GTSE1: variants seen among roughly 807,000 people sequenced by gnomAD.
GTSE1 encodes the protein G2 and S-phase expressed 1.
In GTSE1, 52 loss-of-function variants were observed where a neutral mutation model predicts 60.5. The ratio of observed to expected loss-of-function variants is 0.86; its 90% CI spans 0.69 to 1.08. The LOEUF is 1.08. GTSE1 is among the 50% of genes least tolerant of loss of function. The pLI is 0.00. For synonymous variants in GTSE1, 368 were observed against 386.5 expected, an observed-to-expected ratio of 0.95 and a Z score of 0.56; for missense variants, 937 against 961.8, an observed-to-expected ratio of 0.97 and a Z score of 0.34.
At position 46,316,035 on chromosome 22, in the gene GTSE1, A is replaced by C; in HGVS notation, c.1055A>C (p.Lys352Thr). ...TTTTTGTGTGTATACCTTCTAGCTAAATCAAGTGAATTTGCAAGTATTCCT... is the reference window on the plus strand; with the variant it reads ...TTTTTGTGTGTATACCTTCTAGCTACATCAAGTGAATTTGCAAGTATTCCT... ...ACTSPAVGKA[K>T]SSEFASIPAN... is the part of the protein sequence containing the mutation. The change falls in exon 7 of 12, where the codon AAA (lysine) becomes ACA (threonine). Residue 352 changes from lysine (K) to threonine (T), a missense_variant. Transcript: ENST00000454366. The surrounding 1 kb of genome is among the most constrained non-coding windows in gnomAD (Gnocchi z 5.0). 3 of 1,511,380 alleles carry C rather than the reference A, an allele frequency of 2.0e-6. No individual in the cohort carries two copies. The highest frequency in any genetic ancestry group is 2.7e-6 in the Non-Finnish European group (3 of 1,129,094). The allele number at this position is 1,511,380 out of a possible 1,614,324, so 93.6% of individuals were successfully genotyped here.
At position 46,308,406 on chromosome 22, in the gene GTSE1, TC is replaced by T; in HGVS notation, c.228del (p.Glu77AsnfsTer67). 6.2e-7 allele frequency: 1 copy of T among 1,614,194 alleles called. No individual in the cohort carries two copies. Among genetic ancestry groups the T allele is most frequent in the Non-Finnish European group, 8.5e-7 (1 of 1,180,030 alleles). Reference protein sequence around the residue: ...AASLELNNPVPEQPPLPTSES... With the variant: ...AASLELNNPVXEQPPLPTSES... ...CCAGCTTGGAATTAAATAATCCGGT[TC>T]CCGAACAGCCTCCGTTGCCCACATC... On this transcript the variant is annotated frameshift_variant, in exon 4 of 12. Coordinates refer to ENST00000454366, the MANE Select transcript of GTSE1 (RefSeq NM_016426.7). LOFTEE classifies it high-confidence loss of function.
In GTSE1 at chr22:46,312,037, C is replaced by T. The variant is rs2077751312; in HGVS notation, c.763-104C>T. ...CTGATGAATGGAGGGGCATGTGTAG[C>T]ACTGGGGAAGATGGGGCCTAGGCTC... is the stretch of plus-strand genomic sequence containing the variant. On this transcript the variant is annotated intron_variant, in intron 4 of 11. Coordinates refer to ENST00000454366, the MANE Select transcript of GTSE1 (RefSeq NM_016426.7). 7 of 892,492 alleles carry T rather than the reference C, an allele frequency of 7.8e-6. No homozygotes were observed. In the Admixed American group the frequency reaches 1.7e-4, roughly 21 times the overall value. 55.3% of individuals were successfully genotyped at this position (892,492 alleles called of 1,614,324 possible). A position where few individuals can be genotyped will look rare whatever the true frequency, so the allele number is the denominator to read the frequency against.
rs557761039 is a variant in GTSE1, at chr22:46,316,114, C to T, written c.1134C>T (p.Pro378=). ...TCAGCAAGTCAGGCAGAATGGGACC[C>T]GCCATGCTGCGGCCAGCTCTGCCTG... The part of the protein sequence containing the change: ...SNISKSGRMG[P]AMLRPALPAG... Residue 378 remains proline (P), a synonymous_variant, in exon 7 of 12, where the codon CCC becomes CCT. Coordinates refer to ENST00000454366, the MANE Select transcript of GTSE1 (RefSeq NM_016426.7). The surrounding 1 kb of genome is among the most constrained non-coding windows in gnomAD (Gnocchi z 5.0). 25 of 1,585,228 alleles carry T rather than the reference C, an allele frequency of 1.6e-5. No individual in the cohort carries two copies. Among genetic ancestry groups the T allele is most frequent in the Middle Eastern group, 1.7e-4 (1 of 5,938 alleles).
Position 46,308,906 on chromosome 22 carries a change from C to T in GTSE1, c.725C>T (p.Ser242Phe). Residue 242 changes from serine (S) to phenylalanine (F), a missense_variant, in exon 4 of 12, where the codon TCT (serine) becomes TTT (phenylalanine). Ser to Phe is a radical substitution (Grantham distance 155). Coordinates refer to ENST00000454366, the MANE Select transcript of GTSE1 (RefSeq NM_016426.7). ...GTKLLLPRAA[S>F]VRGRSIPGAA... is the part of the protein sequence containing the mutation. Reference sequence around the variant, plus strand: ...AAATTGCTGCTGCCTCGAGCGGCCTCTGTTAGAGGAAGAAGCATCCCTGGG... The same window carrying T: ...AAATTGCTGCTGCCTCGAGCGGCCTTTGTTAGAGGAAGAAGCATCCCTGGG... The T allele has an allele frequency of 6.2e-7, 1 of 1,612,890 alleles. No homozygotes were observed. The highest frequency in any genetic ancestry group is 8.5e-7 in the Non-Finnish European group (1 of 1,179,854).
intron 2 of GTSE1, among the ~76,000 whole-genome samples, chr22:46,305,391 C>T (rs915693049): frequency 1.3e-5 from 2 of 151,958 alleles, no homozygotes; most frequent in South Asian, 2.1e-4. Context: ...GGAGGGATCA[C>T]GAGGTCAGGA....
chr22:46,323,162 G>T lies in GTSE1; in HGVS notation c.1433-28G>T. 5 of 1,539,816 alleles carry T rather than the reference G, an allele frequency of 3.2e-6. No individual in the cohort carries two copies. In the South Asian group the frequency reaches 3.3e-5, roughly 10 times the overall value. On this transcript the variant is annotated intron_variant, in intron 7 of 11. Transcript: ENST00000454366. ...AGGTCTCCCCCTGATCACTTTACCT[G>T]ACCGCACACTTCCTTTCTTGGACTT... is the stretch of plus-strand genomic sequence containing the variant.
Position 46,314,109 on chromosome 22 carries a change from G to C in GTSE1, c.1051+96G>C, listed in dbSNP as rs527352535. 573 of 1,497,466 alleles carry C rather than the reference G, an allele frequency of 3.8e-4. 1 individual carries two copies. The highest frequency in any genetic ancestry group is 4.6e-4 in the Non-Finnish European group (506 of 1,088,214). The allele number at this position is 1,497,466 out of a possible 1,614,324, so 92.8% of individuals were successfully genotyped here. A position where few individuals can be genotyped will look rare whatever the true frequency, so the allele number is the denominator to read the frequency against. ...GAGACTGTTTCTGCAGAACCACTTAGGCTTGGCAGGACGTCCCGGAGGGCG... is the reference window on the plus strand; with the variant it reads ...GAGACTGTTTCTGCAGAACCACTTACGCTTGGCAGGACGTCCCGGAGGGCG... On this transcript the variant is annotated intron_variant, in intron 6 of 11. Transcript: ENST00000454366. The surrounding 1 kb of genome is among the most constrained non-coding windows in gnomAD (Gnocchi z 7.1).
intron 9 of GTSE1, 80 bp downstream of exon 9, chr22:46,326,734 C>A: frequency 1.0e-6 from 1 of 983,346 alleles, no homozygotes; most frequent in Non-Finnish European, 1.5e-6. Flanking sequence ...TTTTTCTTGC[C>A]TTGCTCCAGG....
chr22:46,317,502 T>G lies in GTSE1; in HGVS notation c.1432+1090T>G, dbSNP rs1178144740. On this transcript the variant is annotated intron_variant, in intron 7 of 11. Coordinates refer to ENST00000454366, the MANE Select transcript of GTSE1 (RefSeq NM_016426.7). This position sits in a 1 kb window ranked among gnomAD's most constrained non-coding sequence, Gnocchi z 5.6. ...TCTTCCCCATCATTTTGGGGTCTGT[T>G]TCGACTGACTAATTTTGTTTCCGGG... is the stretch of plus-strand genomic sequence containing the variant. Among the ~76,000 whole-genome samples, 1 of 152,234 alleles carries G rather than the reference T, an allele frequency of 6.6e-6. No homozygotes were observed. Among genetic ancestry groups the G allele is most frequent in the African/African-American group, 2.4e-5 (1 of 41,454 alleles).
intron 2 of GTSE1, among the ~76,000 whole-genome samples, chr22:46,306,428 G>A (rs540119044): frequency 1.1e-3 from 162 of 151,516 alleles, no homozygotes; most frequent in African/African-American, 3.5e-3. Context: ...TGATCCGCCC[G>A]CCTCGGCCTC....
intron 2 of GTSE1, among the ~76,000 whole-genome samples, chr22:46,306,209 TCTCA>T (rs748937756): frequency 2.3e-4 from 35 of 152,156 alleles, no homozygotes; most frequent in Non-Finnish European, 3.8e-4. Flanking sequence ...TGAGACAGAG[TCTCA>T]CTCAGTCACC....
At position 46,330,076 on chromosome 22, in the gene GTSE1, G is replaced by C; in HGVS notation, c.2166G>C (p.Gln722His). 1.2e-6 allele frequency: 2 copies of C among 1,611,716 alleles called. No homozygotes were observed. Among genetic ancestry groups the C allele is most frequent in the Non-Finnish European group, 1.7e-6 (2 of 1,177,786 alleles). Residue 722 changes from glutamine to histidine, a missense_variant, in exon 12 of 12, where the codon CAG (glutamine) becomes CAC (histidine). Physicochemically the swap from Gln to His is conservative, Grantham distance 24. Coordinates refer to ENST00000454366, the MANE Select transcript of GTSE1 (RefSeq NM_016426.7). The surrounding 1 kb of genome is among the most constrained non-coding windows in gnomAD (Gnocchi z 6.0). ...QLIDLSSPLI[Q>H]LSPEADKENV... is the part of the protein sequence containing the mutation. The stretch of plus-strand genomic sequence containing the variant: ...TAGACCTGAGCTCCCCTCTGATCCA[G>C]CTGAGCCCTGAGGCTGACAAGGAGA...
intron 2 of GTSE1, among the ~76,000 whole-genome samples, chr22:46,306,544 A>T (rs778490242): frequency 2.0e-5 from 3 of 149,828 alleles, no homozygotes; most frequent in Non-Finnish European, 4.4e-5. Context: ...GCAGTGGCGC[A>T]ATCTTGGTTC....
chr22:46,308,802 C>G lies in GTSE1; in HGVS notation c.621C>G (p.His207Gln). ...ARLTRAPGPP[H>Q]SAHALPRESC... ...TCACCCGGGCGCCGGGGCCTCCGCA[C>G]TCTGCTCATGCTTTGCCCAGGGAAT... Residue 207 changes from histidine (H) to glutamine (Q), a missense_variant, in exon 4 of 12, where the codon CAC (histidine) becomes CAG (glutamine). By Grantham distance (24) the His-to-Gln change is conservative. Coordinates refer to ENST00000454366, the MANE Select transcript of GTSE1 (RefSeq NM_016426.7). 1.9e-6 allele frequency: 3 copies of G among 1,613,276 alleles called. No individual in the cohort carries two copies. The highest frequency in any genetic ancestry group is 2.5e-6 in the Non-Finnish European group (3 of 1,180,016).
Position 46,324,524 on chromosome 22 carries a change from C to T in GTSE1, c.1505+1262C>T, listed in dbSNP as rs371272445. 9.9e-5 allele frequency among the ~76,000 whole-genome samples: 15 copies of T among 152,160 alleles called. No individual in the cohort carries two copies. The East Asian group carries it at 1.5e-3, about 16-fold the overall frequency. Reference sequence around the variant, plus strand: ...CTGGGACTACAGGCGCCCGCCACCACGCCCGGCTAAGTTTTTGTATTTTTA... The same window carrying T: ...CTGGGACTACAGGCGCCCGCCACCATGCCCGGCTAAGTTTTTGTATTTTTA... On this transcript the variant is annotated intron_variant, in intron 8 of 11. Transcript: ENST00000454366. The surrounding 1 kb of genome is among the most constrained non-coding windows in gnomAD (Gnocchi z 5.2).
In GTSE1 at chr22:46,316,164, G is replaced by A. The variant is rs772068831; in HGVS notation, c.1184G>A (p.Trp395Ter). 6.2e-7 allele frequency: 1 copy of A among 1,612,666 alleles called. No homozygotes were observed. The highest frequency in any genetic ancestry group is 1.3e-5 in the African/African-American group (1 of 75,048). The stretch of plus-strand genomic sequence containing the variant: ...GCAGGCCCTGTGGGGGCATCCTCCT[G>A]GCAGGCCAAGCGGGTCGATGTTTCT... ...LPAGPVGASS[W>*]QAKRVDVSEL... The change falls in exon 7 of 12, where the codon TGG becomes TAG. Residue 395 changes from tryptophan to a stop codon, truncating the protein, a stop_gained. Transcript: ENST00000454366. LOFTEE classifies it high-confidence loss of function. The surrounding 1 kb of genome is among the most constrained non-coding windows in gnomAD (Gnocchi z 5.0).
chr22:46,303,197 G>C (rs2077699035), intron 2 of GTSE1, among the ~76,000 whole-genome samples: 1 of 152,104 alleles, frequency 6.6e-6, no homozygotes, highest in Admixed American at 6.6e-5. Context: ...ACCCTGCCCG[G>C]TCTACTTTCC....
intron 5 of GTSE1, among the ~76,000 whole-genome samples, chr22:46,312,897 TCA>T (rs1341264107): frequency 2.0e-5 from 3 of 151,534 alleles, no homozygotes; most frequent in African/African-American, 7.3e-5. Context: ...GTGCAGTGGC[TCA>T]CACATGTAAT....
At position 46,329,538 on chromosome 22, in the gene GTSE1, G is replaced by A. The variant is rs1270916150; in HGVS notation, c.2107G>A (p.Val703Met). The A allele has an allele frequency of 6.2e-7, 1 of 1,614,170 alleles. No individual in the cohort carries two copies. The highest frequency in any genetic ancestry group is 2.2e-5 in the East Asian group (1 of 44,874). Residue 703 changes from valine (V) to methionine (M), a missense_variant, in exon 11 of 12, where the codon GTG becomes ATG. Physicochemically the swap from Val to Met is conservative, Grantham distance 21. Coordinates refer to ENST00000454366, the MANE Select transcript of GTSE1 (RefSeq NM_016426.7). The surrounding 1 kb of genome is among the most constrained non-coding windows in gnomAD (Gnocchi z 6.4). ...MTNTPDMNKN[V>M]AKPSPVVGQL... ...AAACACTCCAGACATGAATAAAAAT[G>A]TGGCCAAACCTTCACCGGTGGTGGG...
Sources: allele counts gnomAD v4.1 joint callset (sites outside exome capture counted in the v4.1 genomes callset), GRCh38; gene constraint gnomAD v4.1.1; non-coding constraint Gnocchi (gnomAD v3.1); transcripts MANE v1.5; gene names NCBI Gene and HGNC (gene_info 2026-07-23, HGNC 2026-07-21).